The following PSD3 variants were observed in gnomAD, a reference collection of about 807,000 sequenced individuals.
The protein encoded by PSD3 is pleckstrin and Sec7 domain containing 3.
Under a neutral mutation model 105.5 loss-of-function variants are expected in PSD3, and 49 were observed. That is an observed-to-expected ratio of 0.46 (90% CI 0.37 to 0.59). The LOEUF is 0.59. PSD3 is among the 20% of genes least tolerant of loss of function. The pLI, the probability that PSD3 is intolerant of heterozygous loss-of-function variation, is 0.00. For synonymous variants in PSD3, 557 were observed against 457.8 expected (o/e 1.22, Z -2.77); for missense variants, 1,561 against 1,263.8 (o/e 1.24, Z -3.57).
At chr8:18,953,700 G>C (rs570042190) in intron 1 of PSD3, among the ~76,000 whole-genome samples, 4 of 151,934 alleles carry the variant, frequency 2.6e-5, no homozygotes, top group Non-Finnish European at 5.9e-5. Context: ...AGAGAGTTGA[G>C]ATGGCACCAC....
upstream of PSD3, among the ~76,000 whole-genome samples, chr8:19,017,523 C>G (rs1337517099): frequency 6.6e-6 from 1 of 152,146 alleles, no homozygotes; most frequent in East Asian, 1.9e-4. Context: ...TTTCATCATC[C>G]CCTAAAGAAA....
chr8:19,053,420 G>C (rs540514096), intron 1 of PSD3, among the ~76,000 whole-genome samples: 6 of 152,148 alleles, frequency 3.9e-5, no homozygotes, highest in Admixed American at 1.3e-4. Flanking sequence ...TTTAGAGAAA[G>C]CTTCATTTCT....
rs1799565329 is a variant in PSD3 at position 18,529,968 on chromosome 8, A to G, written c.*5775T>C. ...ATATTTGCAAAAATAGTTTGAGACTATAGAGTTAATTAACAACAACAAAAA... is the reference window on the plus strand; with the variant it reads ...ATATTTGCAAAAATAGTTTGAGACTGTAGAGTTAATTAACAACAACAAAAA... On this transcript the variant is annotated 3_prime_UTR_variant, in exon 16 of 16. Transcript: ENST00000327040. 1 of 152,352 alleles carries G rather than the reference A, an allele frequency of 6.6e-6. No homozygotes were observed. The highest frequency in any genetic ancestry group is 1.5e-5 in the Non-Finnish European group (1 of 68,034). 9.4% of individuals were successfully genotyped at this position (152,352 alleles called of 1,614,324 possible).
intron 9 of PSD3, among the ~76,000 whole-genome samples, chr8:18,702,984 C>T (rs1801681137): frequency 6.6e-6 from 1 of 152,048 alleles, no homozygotes; most frequent in Admixed American, 6.6e-5. Context: ...TTCATGTTCT[C>T]CTAAAATGTC....
Position 18,565,755 on chromosome 8 carries a change from G to A in PSD3, c.2784+6773C>T, listed in dbSNP as rs112834304. 9.9e-4 allele frequency among the ~76,000 whole-genome samples: 151 copies of A among 152,274 alleles called. 1 individual carries two copies. The highest frequency in any genetic ancestry group is 3.3e-3 in the African/African-American group (138 of 41,552). Reference sequence around the variant, plus strand: ...GAGTATGGGGAAAAAAAGATAGCTGGTCTCACGGCTTCACATCCACTGGCT... The same window carrying A: ...GAGTATGGGGAAAAAAAGATAGCTGATCTCACGGCTTCACATCCACTGGCT... On this transcript the variant is annotated intron_variant, in intron 14 of 15. Transcript: ENST00000327040.
At chr8:18,700,756 C>A (rs1394981437) in intron 9 of PSD3, among the ~76,000 whole-genome samples, 1 of 151,750 alleles carries the variant, frequency 6.6e-6, no homozygotes, top group Non-Finnish European at 1.5e-5. Context: ...TCTTTCCTTC[C>A]GTCTAGGGGT....
intron 1 of PSD3, among the ~76,000 whole-genome samples, chr8:18,997,487 G>A (rs796130125): frequency 2.6e-5 from 4 of 151,868 alleles, no homozygotes; most frequent in East Asian, 1.9e-4. Flanking sequence ...ACTCTTCCCC[G>A]CTTCAGTCTA....
intron 1 of PSD3, among the ~76,000 whole-genome samples, chr8:19,054,731 C>T (rs957526019): frequency 6.6e-6 from 1 of 152,096 alleles, no homozygotes; most frequent in Non-Finnish European, 1.5e-5. Flanking sequence ...AAACTATTCT[C>T]AAAACAGAAT....
intron 4 of PSD3, among the ~76,000 whole-genome samples, chr8:18,840,675 C>T (rs981365846): frequency 6.6e-6 from 1 of 152,152 alleles, no homozygotes; most frequent in Non-Finnish European, 1.5e-5. Context: ...AGTGGCAGAG[C>T]TGGAATGTGT....
At chr8:18,675,572 G>C (rs551719707) in intron 9 of PSD3, among the ~76,000 whole-genome samples, 1 of 152,016 alleles carries the variant, frequency 6.6e-6, no homozygotes, top group African/African-American at 2.4e-5. Flanking sequence ...CAGCCAGCCC[G>C]TTCAGAAAAA....
At chr8:18,726,590 C>A (rs377348953) in intron 9 of PSD3, among the ~76,000 whole-genome samples, 1 of 152,168 alleles carries the variant, frequency 6.6e-6, no homozygotes, top group African/African-American at 2.4e-5. Context: ...ATGCTCATGG[C>A]GAAAGATTTC....
At chr8:18,724,085 A>G (rs1167879365) in intron 9 of PSD3, among the ~76,000 whole-genome samples, 1 of 152,202 alleles carries the variant, frequency 6.6e-6, no homozygotes, top group Non-Finnish European at 1.5e-5. Context: ...CATAAGAAGA[A>G]TGAAAATACT....
At chr8:18,936,930 C>T (rs918383118) in intron 1 of PSD3, among the ~76,000 whole-genome samples, 15 of 152,086 alleles carry the variant, frequency 9.9e-5, no homozygotes, top group African/African-American at 3.6e-4. Flanking sequence ...TAATCAGGAA[C>T]ACCATTCAGC....
intron 9 of PSD3, among the ~76,000 whole-genome samples, chr8:18,696,442 C>G (rs542376284): frequency 6.6e-6 from 1 of 152,322 alleles, no homozygotes; most frequent in Admixed American, 6.5e-5. Flanking sequence ...AATGTTGAAT[C>G]TACTTGGATC....
At chr8:18,548,792 A>G (rs991388297) in intron 15 of PSD3, among the ~76,000 whole-genome samples, 1 of 152,082 alleles carries the variant, frequency 6.6e-6, no homozygotes, top group Non-Finnish European at 1.5e-5. Context: ...GAGCATTTGG[A>G]GTGCCTGTGG....
intron 9 of PSD3, among the ~76,000 whole-genome samples, chr8:18,684,845 T>A (rs1034240122): frequency 1.3e-5 from 2 of 152,210 alleles, no homozygotes; most frequent in Non-Finnish European, 1.5e-5. Flanking sequence ...AAGCCATCAA[T>A]GTTCTGTCAG....
rs557054334 is a variant in PSD3 at position 18,828,985 on chromosome 8, C to T, written c.1635-24087G>A. On this transcript the variant is annotated intron_variant, in intron 4 of 15. Transcript: ENST00000327040. ...TTACTAAGAGGCTGAGGTGGGCGGACGGCTTGAGCCTGGGAGGCAGAGATT... is the reference window on the plus strand; with the variant it reads ...TTACTAAGAGGCTGAGGTGGGCGGATGGCTTGAGCCTGGGAGGCAGAGATT... 9.9e-5 allele frequency among the ~76,000 whole-genome samples: 15 copies of T among 152,034 alleles called. No homozygotes were observed. In the South Asian group the frequency reaches 2.3e-3, roughly 23 times the overall value.
At chr8:18,984,953 G>T (rs1311223080) in intron 1 of PSD3, among the ~76,000 whole-genome samples, 2 of 152,022 alleles carry the variant, frequency 1.3e-5, no homozygotes, top group African/African-American at 2.4e-5. Flanking sequence ...GGCGGTGGGG[G>T]GACAGAGTCT....
intron 4 of PSD3, chr8:18,865,193 T>C (rs1274414652): frequency 7.8e-6 from 1 of 127,424 alleles, no homozygotes; most frequent in African/African-American, 2.9e-5. Flanking sequence ...TTGGGTAAGA[T>C]ATCCCACCAA....
Sources: allele counts gnomAD v4.1 joint callset (sites outside exome capture counted in the v4.1 genomes callset), GRCh38; gene constraint gnomAD v4.1.1; transcripts MANE v1.5; gene names NCBI Gene and HGNC (gene_info 2026-07-23, HGNC 2026-07-21).